The following CDK15 variants were observed in gnomAD, a reference collection of about 807,000 sequenced individuals.
The protein encoded by CDK15 is cyclin dependent kinase 15, also known as cyclin-dependent kinase 15.
A neutral mutation model predicts 60.3 loss-of-function variants in CDK15; 62 were observed. The observed-to-expected ratio is 1.03, with a 90% CI of 0.84 to 1.27. CDK15 has a LOEUF of 1.27. Ranked by LOEUF, CDK15 falls within the 50% of genes most tolerant of loss-of-function variation. The probability of loss-of-function intolerance (pLI) is 0.00; values close to 1 mark genes in which losing one functional copy is unlikely to be tolerated. For missense variants in CDK15, 541 were observed against 527.8 expected, an observed-to-expected ratio of 1.03 and a Z score of -0.25; for synonymous variants, 194 against 195.7, an observed-to-expected ratio of 0.99 and a Z score of 0.07.
At chr2:201,888,079 G>C (rs894519341) in intron 12 of CDK15, among the ~76,000 whole-genome samples, 2 of 143,492 alleles carry the variant, frequency 1.4e-5, no homozygotes, top group East Asian at 4.1e-4. Context: ...TAGCGATTAT[G>C]GGCAAGTAAA....
At chr2:201,863,010 C>T (rs1295195809) in intron 10 of CDK15, among the ~76,000 whole-genome samples, 1 of 152,170 alleles carries the variant, frequency 6.6e-6, no homozygotes, top group Non-Finnish European at 1.5e-5. Context: ...CTCGCTACAG[C>T]TAATGAAGCC....
At chr2:201,886,444 G>C (rs934731968) in intron 12 of CDK15, among the ~76,000 whole-genome samples, 1 of 151,744 alleles carries the variant, frequency 6.6e-6, no homozygotes, top group African/African-American at 2.4e-5. Context: ...TCCCGCCTCA[G>C]CCTCCCGAGT....
Position 201,823,742 on chromosome 2 carries a change from G to T in CDK15, c.606+15G>T, listed in dbSNP as rs1349023596. 1 of 1,611,836 alleles carries T rather than the reference G, an allele frequency of 6.2e-7. No individual in the cohort carries two copies. The highest frequency in any genetic ancestry group is 1.1e-5 in the South Asian group (1 of 91,012). On this transcript the variant is annotated intron_variant, in intron 6 of 13. Coordinates refer to ENST00000652192, the MANE Select transcript of CDK15 (RefSeq NM_001366386.2). Reference sequence around the variant, plus strand: ...ATAATGTCAGAGTGAGTACGTTAAGGGTCAGGACCCTCTCCTGGCTTGCCC... The same window carrying T: ...ATAATGTCAGAGTGAGTACGTTAAGTGTCAGGACCCTCTCCTGGCTTGCCC...
In CDK15 at chr2:201,820,605, G is replaced by T. The variant is rs557840287; in HGVS notation, c.449-2204G>T. ...AGTGACAGGGCCAGGATTCATATTA[G>T]GGCTTCTGGCTCCACAGACAGTTCT... is the stretch of plus-strand genomic sequence containing the variant. On this transcript the variant is annotated intron_variant, in intron 4 of 13. Coordinates refer to ENST00000652192, the MANE Select transcript of CDK15 (RefSeq NM_001366386.2). 2.5e-3 allele frequency among the ~76,000 whole-genome samples: 387 copies of T among 152,252 alleles called. 4 individuals carry two copies. Among genetic ancestry groups the T allele is most frequent in the Admixed American group, 5.9e-3 (91 of 15,304 alleles).
chr2:201,880,264 G>A (rs1432171989), intron 12 of CDK15, 97 bp downstream of exon 12: 2 of 1,404,868 alleles, frequency 1.4e-6, no homozygotes, highest in Non-Finnish European at 1.9e-6. Context: ...CAGCACCGGA[G>A]AATCATAGCA....
At chr2:201,833,719 T>TTC (rs1559124099) in intron 6 of CDK15, 129 bp from the exon 7 acceptor site, 65 of 350,120 alleles carry the variant, frequency 1.9e-4, no homozygotes, top group African/African-American at 1.2e-3. Flanking sequence ...TCTTCTTCTT[T>TTC]TTTTTTTTTT....
At chr2:201,861,501 T>G (rs1406590323) in intron 10 of CDK15, 2 of 985,046 alleles carry the variant, frequency 2.0e-6, no homozygotes, top group Admixed American at 1.2e-4. Context: ...AGTGCCTAAC[T>G]TTTAGTAGGT....
chr2:201,883,141 T>G (rs1336130550), intron 12 of CDK15, among the ~76,000 whole-genome samples: 1 of 152,270 alleles, frequency 6.6e-6, no homozygotes, highest in Non-Finnish European at 1.5e-5. Context: ...CATTTCAGTA[T>G]AAAATTATTT....
At chr2:201,855,176 A>G (rs1698092380) in intron 10 of CDK15, among the ~76,000 whole-genome samples, 1 of 152,208 alleles carries the variant, frequency 6.6e-6, no homozygotes, top group South Asian at 2.1e-4. Flanking sequence ...TAGAATTTGA[A>G]ATGACTATTA....
At chr2:201,892,552 C>G (rs570312124) in intron 13 of CDK15, among the ~76,000 whole-genome samples, 2 of 152,292 alleles carry the variant, frequency 1.3e-5, no homozygotes, top group Non-Finnish European at 2.9e-5. Context: ...GTGGCCTGCG[C>G]CAGCAATTGA....
At chr2:201,890,964 A>C (rs1334445982) in intron 13 of CDK15, 37 bp downstream of exon 13, 2 of 1,138,962 alleles carry the variant, frequency 1.8e-6, no homozygotes, top group East Asian at 4.9e-5. Flanking sequence ...TTATGGAACA[A>C]ATTGAAAAGC....
rs61612545 is a variant in CDK15 at position 201,874,053 on chromosome 2, C to CAAA, written c.1058+1753_1058+1755dup. On this transcript the variant is annotated intron_variant, in intron 11 of 13. Coordinates refer to ENST00000652192, the MANE Select transcript of CDK15 (RefSeq NM_001366386.2). ...TGGGAGACAGAGTGAGACTCCGTCT[C>CAAA]AAAAAAAAAAAAAAAAAAAAAAAAA... Among the ~76,000 whole-genome samples the CAAA allele has an allele frequency of 3.6e-4, 41 of 113,974 alleles. 1 individual carries two copies. The highest frequency in any genetic ancestry group is 1.7e-3 in the African/African-American group (40 of 24,138). 74.8% of individuals were successfully genotyped at this position (113,974 alleles called of 152,430 possible).
rs139172635 is a variant in CDK15 at position 201,854,658 on chromosome 2, C to T, written c.946-216C>T. On this transcript the variant is annotated intron_variant, in intron 9 of 13. Transcript: ENST00000652192. ...AGTGAGTCAGTAAGAATGCAGGCCC[C>T]GGACCATAGGAATGTATTACAGTTT... The T allele has an allele frequency of 1.0e-3, 565 of 547,844 alleles. 6 individuals carry two copies. In the East Asian group the frequency reaches 0.015, roughly 15 times the overall value. 33.9% of individuals were successfully genotyped at this position (547,844 alleles called of 1,614,324 possible). A position where few individuals can be genotyped will look rare whatever the true frequency, so the allele number is the denominator to read the frequency against.
chr2:201,840,829 A>G (rs1267515489), intron 8 of CDK15, among the ~76,000 whole-genome samples: 1 of 151,876 alleles, frequency 6.6e-6, no homozygotes, highest in Non-Finnish European at 1.5e-5. Flanking sequence ...TGCCTTTATG[A>G]TTATGCAGTT....
chr2:201,814,277 G>T (rs934140133), intron 4 of CDK15, among the ~76,000 whole-genome samples: 3 of 152,156 alleles, frequency 2.0e-5, no homozygotes, highest in African/African-American at 7.2e-5. Flanking sequence ...CGGAGGAATT[G>T]CCTCTCCATC....
chr2:201,856,620 G>A (rs1030067420), intron 10 of CDK15, among the ~76,000 whole-genome samples: 4 of 152,272 alleles, frequency 2.6e-5, no homozygotes, highest in South Asian at 2.1e-4. Context: ...CCAGGAGAAC[G>A]TGGCTCTCAT....
intron 3 of CDK15, among the ~76,000 whole-genome samples, chr2:201,812,196 A>AC (rs1405139291): frequency 1.3e-5 from 2 of 150,324 alleles, no homozygotes; most frequent in Non-Finnish European, 3.0e-5. Flanking sequence ...AAAAAACAAA[A>AC]AAACAAAAAA....
chr2:201,881,296 T>C (rs1699270354), intron 12 of CDK15, among the ~76,000 whole-genome samples: 1 of 152,190 alleles, frequency 6.6e-6, no homozygotes, highest in South Asian at 2.1e-4. Context: ...TCTCCAAAAA[T>C]AACCATAATC....
At chr2:201,816,514 A>G (rs1696004733) in intron 4 of CDK15, among the ~76,000 whole-genome samples, 1 of 119,210 alleles carries the variant, frequency 8.4e-6, no homozygotes, top group Non-Finnish European at 1.7e-5. Flanking sequence ...CCAGTGTACA[A>G]ATTTTCTTTA....
Sources: gnomAD v4.1 joint callset for allele counts (sites outside exome capture counted in the v4.1 genomes callset) on GRCh38, gnomAD v4.1.1 for gene constraint, MANE v1.5 for transcripts, NCBI Gene and HGNC (gene_info 2026-07-23, HGNC 2026-07-21) for gene names.